Variants in BTBD9 observed in about 807,000 individuals in gnomAD.
BTBD9 encodes the protein BTB/POZ domain-containing protein 9.
A neutral mutation model predicts 64.3 loss-of-function variants in BTBD9; 49 were observed. That is an observed-to-expected ratio of 0.76 (90% CI 0.61 to 0.97). BTBD9 has a LOEUF of 0.97. BTBD9 is among the 50% of genes least tolerant of loss of function. The pLI, the probability that BTBD9 is intolerant of heterozygous loss-of-function variation, is 0.00. For missense variants in BTBD9, 598 were observed against 762.1 expected (o/e 0.78, Z 2.53); for synonymous variants, 260 against 274.7 (o/e 0.95, Z 0.53).
chr6:38,429,035 T>A (rs1185677412), intron 6 of BTBD9, among the ~76,000 whole-genome samples: 2 of 151,738 alleles, frequency 1.3e-5, no homozygotes, highest in Non-Finnish European at 2.9e-5. Context: ...TTTGACTCTG[T>A]CATCTACTGC....
intron 6 of BTBD9, among the ~76,000 whole-genome samples, chr6:38,476,895 A>G (rs1398761179): frequency 6.6e-6 from 1 of 152,254 alleles, no homozygotes; most frequent in Non-Finnish European, 1.5e-5. Context: ...TGTTATTACT[A>G]TACCTAATTT....
intron 9 of BTBD9, among the ~76,000 whole-genome samples, chr6:38,212,028 G>A (rs957697644): frequency 7.2e-5 from 11 of 152,216 alleles, no homozygotes; most frequent in Non-Finnish European, 1.2e-4. Flanking sequence ...TGGCAACTGC[G>A]TAGTAACCTG....
intron 10 of BTBD9, among the ~76,000 whole-genome samples, chr6:38,176,969 T>C (rs1381436111): frequency 1.3e-5 from 2 of 152,170 alleles, no homozygotes; most frequent in African/African-American, 4.8e-5. Context: ...AAGCTTCTCA[T>C]AACCCAGCAA....
rs1442775612 is a variant in BTBD9, at chr6:38,592,858, G to T, written c.550-18C>A. On this transcript the variant is annotated intron_variant, in intron 3 of 10. Coordinates refer to ENST00000481247, the MANE Select transcript of BTBD9 (RefSeq NM_001099272.2). ...AGTGCTGTCTGAAAAGGATAAAAAGGTAAAATTCCAGTTATATGAAGTTCA... is the reference window on the plus strand; with the variant it reads ...AGTGCTGTCTGAAAAGGATAAAAAGTTAAAATTCCAGTTATATGAAGTTCA... 6.2e-7 allele frequency: 1 copy of T among 1,611,440 alleles called. No homozygotes were observed. The highest frequency in any genetic ancestry group is 1.7e-5 in the Admixed American group (1 of 59,878).
At chr6:38,575,980 A>T (rs1482103069) in intron 6 of BTBD9, among the ~76,000 whole-genome samples, 3 of 152,234 alleles carry the variant, frequency 2.0e-5, no homozygotes, top group Non-Finnish European at 4.4e-5. Flanking sequence ...AGAGATCATG[A>T]TCAAAGGCAC....
At chr6:38,199,298 T>C (rs1762375984) in intron 9 of BTBD9, among the ~76,000 whole-genome samples, 2 of 151,846 alleles carry the variant, frequency 1.3e-5, no homozygotes, top group South Asian at 2.1e-4. Context: ...CGTGATACAG[T>C]CTTAAACCCC....
intron 6 of BTBD9, among the ~76,000 whole-genome samples, chr6:38,494,936 C>T (rs767672746): frequency 1.3e-5 from 2 of 152,184 alleles, no homozygotes; most frequent in African/African-American, 2.4e-5. Context: ...TACTGCAAGG[C>T]ATCTGGGGGC....
intron 6 of BTBD9, among the ~76,000 whole-genome samples, chr6:38,552,992 C>G (rs1305349072): frequency 6.6e-6 from 1 of 152,176 alleles, no homozygotes; most frequent in Non-Finnish European, 1.5e-5. Context: ...ACACAACCTT[C>G]TGTACACATT....
chr6:38,320,814 G>C (rs1270485292), intron 7 of BTBD9, among the ~76,000 whole-genome samples: 1 of 152,152 alleles, frequency 6.6e-6, no homozygotes, highest in African/African-American at 2.4e-5. Context: ...GGGTAGGTGG[G>C]ACCAGCATTT....
At chr6:38,264,609 A>G (rs982982051) in intron 8 of BTBD9, among the ~76,000 whole-genome samples, 1 of 152,134 alleles carries the variant, frequency 6.6e-6, no homozygotes, top group African/African-American at 2.4e-5. Flanking sequence ...CAGAGAAACA[A>G]CTCTGCCGGT....
chr6:38,172,838 C>T lies in BTBD9; in HGVS notation c.*2147G>A, dbSNP rs924049223. ...AGGGCCGAGGCTTTGCAGCGTATTCCTTTTCAGATGCGAGGCCGAGCTGCC... is the reference window on the plus strand; with the variant it reads ...AGGGCCGAGGCTTTGCAGCGTATTCTTTTTCAGATGCGAGGCCGAGCTGCC... On this transcript the variant is annotated 3_prime_UTR_variant, in exon 11 of 11. Coordinates refer to ENST00000481247, the MANE Select transcript of BTBD9 (RefSeq NM_001099272.2). The T allele has an allele frequency of 6.6e-6, 1 of 152,356 alleles. No homozygotes were observed. The highest frequency in any genetic ancestry group is 1.5e-5 in the Non-Finnish European group (1 of 68,140). The allele number at this position is 152,356 out of a possible 1,614,324, so 9.4% of individuals were successfully genotyped here.
At chr6:38,435,665 C>T (rs1458001587) in intron 6 of BTBD9, among the ~76,000 whole-genome samples, 1 of 135,212 alleles carries the variant, frequency 7.4e-6, no homozygotes, top group Non-Finnish European at 1.6e-5. Flanking sequence ...TCCTTTCTCT[C>T]TCTCTCTCTT....
chr6:38,214,010 A>AATAATAAT (rs1561882118), intron 9 of BTBD9, among the ~76,000 whole-genome samples: 5 of 147,600 alleles, frequency 3.4e-5, no homozygotes, highest in Admixed American at 2.0e-4. Flanking sequence ...AAACAAACAA[A>AATAATAAT]AATAATAATA....
intron 6 of BTBD9, among the ~76,000 whole-genome samples, chr6:38,563,750 CT>C (rs1333021063): frequency 6.6e-6 from 1 of 150,460 alleles, no homozygotes; most frequent in African/African-American, 2.4e-5. Flanking sequence ...GCTCCAAACG[CT>C]TTCCCCTTTT....
At chr6:38,487,099 C>A (rs1050014419) in intron 6 of BTBD9, among the ~76,000 whole-genome samples, 3 of 152,172 alleles carry the variant, frequency 2.0e-5, no homozygotes. Context: ...TTTTCAGGAA[C>A]AGCACAAAGG....
intron 9 of BTBD9, among the ~76,000 whole-genome samples, chr6:38,209,922 T>C (rs576040792): frequency 6.6e-6 from 1 of 152,344 alleles, no homozygotes; most frequent in East Asian, 1.9e-4. Flanking sequence ...CCTTCTGTGC[T>C]CATAGCATAA....
At chr6:38,223,173 C>T (rs1763275457) in intron 9 of BTBD9, among the ~76,000 whole-genome samples, 1 of 152,150 alleles carries the variant, frequency 6.6e-6, no homozygotes, top group East Asian at 1.9e-4. Context: ...TCCCAAAGTG[C>T]TAGGATTACA....
intron 6 of BTBD9, among the ~76,000 whole-genome samples, chr6:38,508,700 T>C (rs1772644825): frequency 6.6e-6 from 1 of 152,202 alleles, no homozygotes; most frequent in African/African-American, 2.4e-5. Flanking sequence ...CTCTGCTTGC[T>C]TCTCCAGTCT....
intron 6 of BTBD9, chr6:38,481,696 A>G (rs1198700871): frequency 6.6e-6 from 1 of 152,360 alleles, no homozygotes; most frequent in African/African-American, 2.4e-5. Context: ...GGAGACCCCC[A>G]TCCATTAAAG....
Sources: gnomAD v4.1 joint callset for allele counts (sites outside exome capture counted in the v4.1 genomes callset) on GRCh38, gnomAD v4.1.1 for gene constraint, MANE v1.5 for transcripts, NCBI Gene and HGNC (gene_info 2026-07-23, HGNC 2026-07-21) for gene names.